B3GALT1: variants seen among roughly 807,000 people sequenced by gnomAD.
The protein encoded by B3GALT1 is UDP-Gal:betaGlcNAc beta 1,3-galactosyltransferase, polypeptide 1.
In B3GALT1, 10 loss-of-function variants were observed where a neutral mutation model predicts 23.2. The ratio of observed to expected loss-of-function variants is 0.43; its 90% confidence interval spans 0.27 to 0.73. B3GALT1 has a LOEUF of 0.73. B3GALT1 is among the 30% of genes least tolerant of loss of function. The pLI is 0.21. For missense variants in B3GALT1, 299 were observed against 405.4 expected, an observed-to-expected ratio of 0.74 and a Z score of 2.25; for synonymous variants, 156 against 141.5, an observed-to-expected ratio of 1.10 and a Z score of -0.73.
intron 2 of B3GALT1, among the ~76,000 whole-genome samples, chr2:167,495,178 C>A (rs1699764546): frequency 6.6e-6 from 1 of 152,178 alleles, no homozygotes; most frequent in South Asian, 2.1e-4. Flanking sequence ...GCATTGGTGG[C>A]AGACGTAGGA....
At chr2:167,509,502 GA>G (rs1429440493) in intron 2 of B3GALT1, among the ~76,000 whole-genome samples, 1 of 152,080 alleles carries the variant, frequency 6.6e-6, no homozygotes, top group Non-Finnish European at 1.5e-5. Context: ...TGCTAAGGGG[GA>G]AAAACAACAT....
intron 3 of B3GALT1, among the ~76,000 whole-genome samples, chr2:167,698,062 G>T (rs1351614965): frequency 6.6e-6 from 1 of 152,198 alleles, no homozygotes; most frequent in Non-Finnish European, 1.5e-5. Context: ...ATTTTAAAAA[G>T]ACCATGTTTA....
intron 2 of B3GALT1, among the ~76,000 whole-genome samples, chr2:167,637,150 T>C (rs1212938884): frequency 6.6e-6 from 1 of 151,948 alleles, no homozygotes; most frequent in Non-Finnish European, 1.5e-5. Flanking sequence ...AGACACCAAC[T>C]CCTGTTCTGA....
chr2:167,849,176 A>G (rs761255634), intron 4 of B3GALT1, among the ~76,000 whole-genome samples: 23 of 152,240 alleles, frequency 1.5e-4, no homozygotes, highest in Non-Finnish European at 2.5e-4. Context: ...TACAAATTCA[A>G]TAGAATCCCC....
chr2:167,510,320 G>A (rs781509589), intron 2 of B3GALT1, among the ~76,000 whole-genome samples: 12 of 151,648 alleles, frequency 7.9e-5, no homozygotes, highest in Non-Finnish European at 1.5e-4. Context: ...CAGTTATGAA[G>A]CATCTTCTTG....
rs147061200 is a variant in B3GALT1, at chr2:167,696,870, G to T, written c.-352+49904G>T. Among the ~76,000 whole-genome samples the T allele has an allele frequency of 2.6e-5, 4 of 152,262 alleles. No homozygotes were observed. The East Asian group carries it at 5.8e-4, about 22-fold the overall frequency. On this transcript the variant is annotated intron_variant, in intron 3 of 4. Coordinates refer to ENST00000392690, the MANE Select transcript of B3GALT1 (RefSeq NM_020981.4). ...CTGTTGATTGATTTAATCTGAGTTT[G>T]GGGACTTAGTATCCCTGGGCCTCTG...
At chr2:167,444,416 C>A (rs775064475) in intron 1 of B3GALT1, among the ~76,000 whole-genome samples, 1 of 151,954 alleles carries the variant, frequency 6.6e-6, no homozygotes, top group African/African-American at 2.4e-5. Context: ...TTTTTTCTAT[C>A]GATTAGAATA....
intron 4 of B3GALT1, among the ~76,000 whole-genome samples, chr2:167,829,975 G>A (rs1164584952): frequency 2.0e-5 from 3 of 152,188 alleles, no homozygotes; most frequent in African/African-American, 7.2e-5. Flanking sequence ...TTTGGGAGGA[G>A]AGGAAAAGGC....
chr2:167,383,629 C>T (rs1427925315), intron 1 of B3GALT1, among the ~76,000 whole-genome samples: 5 of 152,138 alleles, frequency 3.3e-5, no homozygotes, highest in Non-Finnish European at 7.4e-5. Flanking sequence ...TCGTATTTTT[C>T]AGCTCTGAAA....
intron 2 of B3GALT1, among the ~76,000 whole-genome samples, chr2:167,626,619 A>AT (rs200905926): frequency 0.015 from 2,348 of 151,790 alleles, 82 homozygotes; most frequent in African/African-American, 0.054. Flanking sequence ...AGGGAAATAT[A>AT]TTTTTCCCTC....
At chr2:167,673,706 C>G (rs188440827) in intron 3 of B3GALT1, among the ~76,000 whole-genome samples, 1 of 152,000 alleles carries the variant, frequency 6.6e-6, no homozygotes, top group African/African-American at 2.4e-5. Context: ...TATTAATATA[C>G]CAAATTATCC....
intron 2 of B3GALT1, among the ~76,000 whole-genome samples, chr2:167,602,326 C>G (rs867937873): frequency 2.0e-5 from 3 of 152,128 alleles, no homozygotes; most frequent in Non-Finnish European, 2.9e-5. Flanking sequence ...TATAGAGAGA[C>G]AGAGAGCTGC....
At chr2:167,460,721 C>T (rs919650733) in intron 1 of B3GALT1, among the ~76,000 whole-genome samples, 1 of 151,980 alleles carries the variant, frequency 6.6e-6, no homozygotes, top group Middle Eastern at 3.4e-3. Flanking sequence ...TGTGGTACCT[C>T]TATAAATTGA....
intron 1 of B3GALT1, among the ~76,000 whole-genome samples, chr2:167,443,665 C>G (rs1574080949): frequency 2.0e-5 from 3 of 151,870 alleles, no homozygotes; most frequent in African/African-American, 4.8e-5. Flanking sequence ...TGATTTGGCT[C>G]TCTGTCTGTT....
intron 1 of B3GALT1, among the ~76,000 whole-genome samples, chr2:167,355,594 T>G (rs1193383260): frequency 6.6e-6 from 1 of 152,248 alleles, no homozygotes; most frequent in Non-Finnish European, 1.5e-5. Flanking sequence ...CCTAGATTTA[T>G]TGTTCAGTAT....
chr2:167,622,717 G>A (rs1441958892), intron 2 of B3GALT1, among the ~76,000 whole-genome samples: 1 of 152,030 alleles, frequency 6.6e-6, no homozygotes, highest in Non-Finnish European at 1.5e-5. Context: ...CAGCTTCAAT[G>A]AACTAAAAAA....
At chr2:167,449,798 G>A (rs78224490) in intron 1 of B3GALT1, among the ~76,000 whole-genome samples, 4,750 of 152,096 alleles carry the variant, frequency 0.031, 226 homozygotes, top group African/African-American at 0.11. Context: ...GGTTTTATTC[G>A]TAGAGGAATG....
At chr2:167,773,455 A>G (rs190361859) in intron 3 of B3GALT1, among the ~76,000 whole-genome samples, 35 of 152,322 alleles carry the variant, frequency 2.3e-4, no homozygotes, top group South Asian at 1.4e-3. Context: ...GAGCTGCATA[A>G]AAGATTCATA....
At chr2:167,716,874 C>T (rs58052646) in intron 3 of B3GALT1, among the ~76,000 whole-genome samples, 2,365 of 151,972 alleles carry the variant, frequency 0.016, 60 homozygotes, top group African/African-American at 0.052. Context: ...GTGTATATTC[C>T]TTTATATATA....
Sources: gnomAD v4.1 joint callset for allele counts (sites outside exome capture counted in the v4.1 genomes callset) on GRCh38, gnomAD v4.1.1 for gene constraint, MANE v1.5 for transcripts, NCBI Gene and HGNC (gene_info 2026-07-23, HGNC 2026-07-21) for gene names.